The following TENM2 variants were observed in gnomAD, a reference collection of about 807,000 sequenced individuals.
TENM2 encodes the protein teneurin transmembrane protein 2, also known as teneurin-2.
A neutral mutation model predicts 245.2 loss-of-function variants in TENM2; 52 were observed. That is an observed-to-expected ratio of 0.21 (90% CI 0.17 to 0.27). TENM2 has a LOEUF of 0.27. Ranked by LOEUF, TENM2 falls within the 10% of genes least tolerant of loss-of-function variation. TENM2 has a pLI of 1.00. For missense variants in TENM2, 3,046 were observed against 3,666.8 expected, an observed-to-expected ratio of 0.83 and a Z score of 4.37; for synonymous variants, 1,363 against 1,438.9, an observed-to-expected ratio of 0.95 and a Z score of 1.19.
chr5:167,347,533 C>T (rs1758542957), intron 1 of TENM2, among the ~76,000 whole-genome samples: 1 of 152,120 alleles, frequency 6.6e-6, no homozygotes, highest in Admixed American at 6.5e-5. Context: ...CTGCCATGTC[C>T]CAGCTACTTT....
the TENM2 span, among the ~76,000 whole-genome samples, chr5:167,277,523 C>A: frequency 6.6e-6 from 1 of 151,942 alleles, no homozygotes; most frequent in Admixed American, 6.6e-5. Context: ...GTTTTATGAT[C>A]CAAGATATGG....
chr5:167,676,369 G>A lies in TENM2; in HGVS notation c.503-199617G>A, dbSNP rs537712208. 7.2e-5 allele frequency among the ~76,000 whole-genome samples: 11 copies of A among 152,044 alleles called. No homozygotes were observed. In the South Asian group the frequency reaches 1.7e-3, roughly 23 times the overall value. On this transcript the variant is annotated intron_variant, in intron 2 of 28. Transcript: ENST00000518659. ...TATCCCATAAACCAGCTGTCAAAAC[G>A]CAAGATGTGGTTCCCGGTTTAATTG... is the stretch of plus-strand genomic sequence containing the variant.
chr5:167,180,203 G>A, the TENM2 span, among the ~76,000 whole-genome samples: 2,734 of 146,636 alleles, frequency 0.019, 88 homozygotes, highest in African/African-American at 0.067. Context: ...TCCGCCTCCC[G>A]GATTCAAGCG....
intron 2 of TENM2, among the ~76,000 whole-genome samples, chr5:167,572,821 T>G (rs1774365110): frequency 6.6e-6 from 1 of 152,224 alleles, no homozygotes; most frequent in African/African-American, 2.4e-5. Context: ...AGTAAAAGTC[T>G]GTAGCAATAG....
intron 2 of TENM2, among the ~76,000 whole-genome samples, chr5:167,799,602 A>C (rs1172475175): frequency 6.6e-6 from 1 of 152,218 alleles, no homozygotes; most frequent in Non-Finnish European, 1.5e-5. Context: ...AGCTCTAATT[A>C]AGATGCTTTG....
intron 2 of TENM2, among the ~76,000 whole-genome samples, chr5:167,759,981 A>AT (rs1440809128): frequency 1.3e-5 from 2 of 152,214 alleles, no homozygotes; most frequent in African/African-American, 4.8e-5. Flanking sequence ...GAAATGTGAA[A>AT]TTGATTATAC....
intron 2 of TENM2, among the ~76,000 whole-genome samples, chr5:167,424,664 C>T (rs185345326): frequency 2.0e-5 from 3 of 151,946 alleles, no homozygotes; most frequent in Non-Finnish European, 4.4e-5. Flanking sequence ...TTAATATTCC[C>T]CCCAGAAATG....
the TENM2 span, among the ~76,000 whole-genome samples, chr5:167,103,780 C>T: frequency 6.6e-6 from 1 of 151,976 alleles, no homozygotes; most frequent in African/African-American, 2.4e-5. Flanking sequence ...CCCCTGAGGG[C>T]CCTATCAACC....
At chr5:167,342,592 AT>A (rs1300927311) in intron 1 of TENM2, among the ~76,000 whole-genome samples, 1 of 129,632 alleles carries the variant, frequency 7.7e-6, no homozygotes, top group East Asian at 2.3e-4. Flanking sequence ...CAGTGGCGCA[AT>A]CTCGGCTCAC....
intron 2 of TENM2, among the ~76,000 whole-genome samples, chr5:167,836,134 A>G (rs762383075): frequency 6.6e-6 from 1 of 152,170 alleles, no homozygotes; most frequent in Non-Finnish European, 1.5e-5. Flanking sequence ...ACAAGTGACA[A>G]TTACTTTTTT....
intron 9 of TENM2, among the ~76,000 whole-genome samples, chr5:168,110,095 C>G (rs1363607801): frequency 6.8e-6 from 1 of 147,106 alleles, no homozygotes; most frequent in East Asian, 2.0e-4. Flanking sequence ...CAGAGCAGCC[C>G]TGGAAGGCAG....
the TENM2 span, among the ~76,000 whole-genome samples, chr5:167,200,178 C>G: frequency 6.6e-6 from 1 of 152,042 alleles, no homozygotes; most frequent in East Asian, 1.9e-4. Context: ...TGTGTGAATT[C>G]TCCAAAGACA....
intron 2 of TENM2, among the ~76,000 whole-genome samples, chr5:167,850,718 T>C (rs1459615143): frequency 2.0e-5 from 3 of 152,162 alleles, no homozygotes; most frequent in Non-Finnish European, 4.4e-5. Flanking sequence ...TAATACTTTC[T>C]TGATATTTTA....
At chr5:167,931,084 C>G (rs1375859010) in intron 3 of TENM2, among the ~76,000 whole-genome samples, 1 of 152,182 alleles carries the variant, frequency 6.6e-6, no homozygotes, top group Non-Finnish European at 1.5e-5. Flanking sequence ...ACACCCTTTG[C>G]CCCTTGAAAA....
At chr5:167,367,201 G>A (rs1261660108) in intron 1 of TENM2, among the ~76,000 whole-genome samples, 1 of 152,100 alleles carries the variant, frequency 6.6e-6, no homozygotes, top group East Asian at 1.9e-4. Flanking sequence ...CCTTGATTTA[G>A]TATGTGTTTA....
chr5:167,925,396 G>A (rs966776179), intron 3 of TENM2, among the ~76,000 whole-genome samples: 7 of 152,190 alleles, frequency 4.6e-5, no homozygotes, highest in African/African-American at 1.7e-4. Flanking sequence ...GGGCACGAGG[G>A]AACTTTCTGG....
chr5:168,199,350 A>AAC (rs1179406250), intron 16 of TENM2, among the ~76,000 whole-genome samples: 6 of 152,250 alleles, frequency 3.9e-5, no homozygotes, highest in Non-Finnish European at 8.8e-5. Flanking sequence ...ATAAAATAAA[A>AAC]ACAACATACA....
At chr5:167,383,911 A>G (rs891790433) in intron 2 of TENM2, among the ~76,000 whole-genome samples, 8 of 152,134 alleles carry the variant, frequency 5.3e-5, no homozygotes, top group African/African-American at 1.9e-4. Context: ...AAATGTATAC[A>G]TTGGAGATGT....
intron 2 of TENM2, among the ~76,000 whole-genome samples, chr5:167,665,932 G>C (rs1755545267): frequency 6.6e-6 from 1 of 152,126 alleles, no homozygotes; most frequent in Non-Finnish European, 1.5e-5. Flanking sequence ...CCTGCAAGCA[G>C]ATAATACAAG....
Sources: allele counts gnomAD v4.1 joint callset (sites outside exome capture counted in the v4.1 genomes callset), GRCh38; gene constraint gnomAD v4.1.1; transcripts MANE v1.5; gene names NCBI Gene and HGNC (gene_info 2026-07-23, HGNC 2026-07-21).